SUMF1: variants seen among roughly 807,000 people sequenced by gnomAD.
SUMF1 encodes the protein formylglycine-generating enzyme.
Under a neutral mutation model 47.6 loss-of-function variants are expected in SUMF1, and 48 were observed. That is an observed-to-expected ratio of 1.01 (90% CI 0.80 to 1.28). SUMF1 has a LOEUF of 1.28. SUMF1 is among the 50% of genes most tolerant of loss of function. The probability of loss-of-function intolerance (pLI) is 0.00; values close to 1 mark genes in which losing one functional copy is unlikely to be tolerated. For synonymous variants in SUMF1, 230 were observed against 192.1 expected (o/e 1.20, Z -1.63); for missense variants, 571 against 485.4 (o/e 1.18, Z -1.66).
chr3:4,068,967 C>G (rs971300726), intron 8 of SUMF1, among the ~76,000 whole-genome samples: 10 of 152,080 alleles, frequency 6.6e-5, no homozygotes, highest in Non-Finnish European at 1.2e-4. Flanking sequence ...ACTACAGGGC[C>G]TGAACCCTTT....
At chr3:4,254,958 T>C (rs1362210960) in intron 8 of SUMF1, among the ~76,000 whole-genome samples, 1 of 152,130 alleles carries the variant, frequency 6.6e-6, no homozygotes, top group Non-Finnish European at 1.5e-5. Context: ...GGGGCCAGTA[T>C]TCAACATTCT....
At chr3:4,293,514 T>C (rs1697781617) in intron 8 of SUMF1, among the ~76,000 whole-genome samples, 1 of 152,228 alleles carries the variant, frequency 6.6e-6, no homozygotes, top group East Asian at 1.9e-4. Flanking sequence ...ATTGGTTATT[T>C]CCTCGGCATT....
intron 8 of SUMF1, among the ~76,000 whole-genome samples, chr3:4,350,821 C>T (rs563132326): frequency 1.1e-4 from 16 of 152,184 alleles, no homozygotes; most frequent in African/African-American, 3.9e-4. Flanking sequence ...ATAACTGTTT[C>T]ACCTATGGAA....
intron 3 of SUMF1, among the ~76,000 whole-genome samples, chr3:4,434,022 G>A (rs1165945915): frequency 1.3e-5 from 2 of 152,228 alleles, no homozygotes; most frequent in Non-Finnish European, 2.9e-5. Context: ...GTGATGCTGA[G>A]TGAAGTAAGT....
chr3:4,120,639 T>C (rs760964098), intron 8 of SUMF1, among the ~76,000 whole-genome samples: 4 of 151,972 alleles, frequency 2.6e-5, no homozygotes, highest in Non-Finnish European at 5.9e-5. Context: ...ACCACAGATA[T>C]CAGATAGAGA....
intron 8 of SUMF1, among the ~76,000 whole-genome samples, chr3:4,364,862 A>G (rs1158498423): frequency 6.6e-6 from 1 of 151,004 alleles, no homozygotes; most frequent in Non-Finnish European, 1.5e-5. Context: ...GTGGGCATTT[A>G]GTGCTATAAA....
chr3:4,357,746 T>C (rs902579722), downstream of SUMF1, among the ~76,000 whole-genome samples: 2 of 151,964 alleles, frequency 1.3e-5, no homozygotes, highest in African/African-American at 4.8e-5. Flanking sequence ...TAGCTGGGAT[T>C]ACAGGCATGC....
chr3:4,252,482 C>G (rs1478117080), intron 8 of SUMF1, among the ~76,000 whole-genome samples: 2 of 152,062 alleles, frequency 1.3e-5, no homozygotes, highest in South Asian at 4.2e-4. Flanking sequence ...TTTGAGACTG[C>G]TGAACTTTCA....
At chr3:4,117,037 G>T (rs1693438493) in intron 8 of SUMF1, among the ~76,000 whole-genome samples, 1 of 152,080 alleles carries the variant, frequency 6.6e-6, no homozygotes, top group Non-Finnish European at 1.5e-5. Context: ...AAAGACAATG[G>T]CATAGATCTA....
intron 8 of SUMF1, among the ~76,000 whole-genome samples, chr3:4,343,083 G>C (rs561537658): frequency 6.6e-6 from 1 of 152,322 alleles, no homozygotes; most frequent in South Asian, 2.1e-4. Context: ...GGTACATTTT[G>C]AACAATTTCC....
At chr3:4,335,830 G>T (rs1469073535) in intron 8 of SUMF1, among the ~76,000 whole-genome samples, 3 of 151,716 alleles carry the variant, frequency 2.0e-5, no homozygotes, top group Admixed American at 6.6e-5. Context: ...TGTGGTGGCG[G>T]GCACATGTAA....
At chr3:4,262,991 T>C (rs1477787711) in intron 8 of SUMF1, among the ~76,000 whole-genome samples, 3 of 152,208 alleles carry the variant, frequency 2.0e-5, no homozygotes, top group African/African-American at 7.2e-5. Context: ...AGGGGGCAAT[T>C]CATGTGTGTT....
chr3:4,204,488 A>T (rs978556254), intron 8 of SUMF1, among the ~76,000 whole-genome samples: 1 of 152,084 alleles, frequency 6.6e-6, no homozygotes, highest in African/African-American at 2.4e-5. Context: ...TTGGTGTTCT[A>T]TAACCTTCTT....
intron 8 of SUMF1, among the ~76,000 whole-genome samples, chr3:4,134,999 A>G (rs552520379): frequency 3.9e-5 from 6 of 152,198 alleles, no homozygotes; most frequent in East Asian, 1.9e-4. Context: ...CAACCAATAA[A>G]AGTCCAGGAC....
intron 9 of SUMF1, among the ~76,000 whole-genome samples, chr3:4,046,925 G>A (rs956280213): frequency 1.3e-5 from 2 of 152,014 alleles, no homozygotes; most frequent in Non-Finnish European, 2.9e-5. Context: ...TTTGAACCCT[G>A]AATGTGGCCT....
chr3:4,091,225 C>G (rs1692780180), intron 8 of SUMF1, among the ~76,000 whole-genome samples: 1 of 152,040 alleles, frequency 6.6e-6, no homozygotes, highest in African/African-American at 2.4e-5. Context: ...CATTGTTTCA[C>G]TTAGTGTTGT....
rs554178773 is a variant in SUMF1 at position 4,253,996 on chromosome 3, A to G, written c.1014+122334T>C. ...CCTAACTGGGAGGCACCCCCCAGCA[A>G]GGGCACACTGACACCACACACAGCA... On this transcript the variant is annotated intron_variant and NMD_transcript_variant, in intron 8 of 12. Coordinates refer to the SUMF1 transcript ENST00000448413. Among the ~76,000 whole-genome samples, 476 of 148,662 alleles carry G rather than the reference A, an allele frequency of 3.2e-3. 1 individual carries two copies. Among genetic ancestry groups the G allele is most frequent in the Non-Finnish European group, 4.3e-3 (287 of 66,584 alleles).
intron 8 of SUMF1, among the ~76,000 whole-genome samples, chr3:4,325,366 G>T (rs115112991): frequency 0.011 from 1,694 of 151,910 alleles, 35 homozygotes; most frequent in African/African-American, 0.039. Context: ...AAAGATAGGG[G>T]GAGAAAGGAA....
chr3:4,256,369 C>A (rs1319378260), intron 8 of SUMF1, among the ~76,000 whole-genome samples: 1 of 104,030 alleles, frequency 9.6e-6, no homozygotes, highest in Admixed American at 8.9e-5. Context: ...AGACCACTAG[C>A]AAGACTGATA....
Sources: allele counts gnomAD v4.1 joint callset (sites outside exome capture counted in the v4.1 genomes callset), GRCh38; gene constraint gnomAD v4.1.1; transcripts MANE v1.5; gene names NCBI Gene and HGNC (gene_info 2026-07-23, HGNC 2026-07-21).